ARAP3: variants seen among roughly 807,000 people sequenced by gnomAD.
ARAP3 encodes arf-GAP with Rho-GAP domain, ANK repeat and PH domain-containing protein 3.
ARAP3 carries 82 observed loss-of-function variants against 169.2 expected under a neutral mutation model. That is an observed-to-expected ratio of 0.48 (90% CI 0.41 to 0.58). ARAP3 has a LOEUF of 0.58. Ranked by LOEUF, ARAP3 falls within the 20% of genes least tolerant of loss-of-function variation. The pLI, the probability that ARAP3 is intolerant of heterozygous loss-of-function variation, is 0.00. For missense variants in ARAP3, 1,764 were observed against 2,018.0 expected, an observed-to-expected ratio of 0.87 and a Z score of 2.41; for synonymous variants, 791 against 800.3, an observed-to-expected ratio of 0.99 and a Z score of 0.20.
chr5:141,667,758 G>A (rs939289427), intron 16 of ARAP3, among the ~76,000 whole-genome samples: 2 of 149,650 alleles, frequency 1.3e-5, no homozygotes. Flanking sequence ...AATAATATAA[G>A]TGGCCAGGTG....
chr5:141,659,661 A>G, intron 22 of ARAP3, 118 bp downstream of exon 22: 1 of 1,437,784 alleles, frequency 7.0e-7, no homozygotes, highest in Non-Finnish European at 9.5e-7. Context: ...AGTTCCTGGT[A>G]TAGCTGGCCA....
chr5:141,655,508 A>C, intron 31 of ARAP3, 108 bp from the exon 32 acceptor site: 1 of 1,579,412 alleles, frequency 6.3e-7, no homozygotes, highest in Non-Finnish European at 8.7e-7. Context: ...GGCAGAAGGG[A>C]GGGGGACAGT....
intron 1 of ARAP3, among the ~76,000 whole-genome samples, chr5:141,681,225 C>G (rs2099912931): frequency 6.6e-6 from 1 of 152,154 alleles, no homozygotes; most frequent in Admixed American, 6.5e-5. Context: ...GATGGGGATG[C>G]CAGAGAGATG....
chr5:141,661,956 G>A (rs1426606926), intron 20 of ARAP3, 87 bp downstream of exon 20: 2 of 1,563,938 alleles, frequency 1.3e-6, no homozygotes, highest in Non-Finnish European at 1.8e-6. Flanking sequence ...GGGAAGTGAT[G>A]GGGCGGAGGG....
chr5:141,663,747 C>G (rs918314975), intron 19 of ARAP3, among the ~76,000 whole-genome samples: 4 of 152,240 alleles, frequency 2.6e-5, no homozygotes, highest in Admixed American at 1.3e-4. Flanking sequence ...CACTGACTTT[C>G]CATGTCCCAT....
intron 1 of ARAP3, 163 bp from the exon 2 acceptor site, chr5:141,680,666 A>G: frequency 1.8e-6 from 2 of 1,102,588 alleles, no homozygotes; most frequent in Non-Finnish European, 2.5e-6. Context: ...AACAACAGCA[A>G]TGGCTCTCTA....
intron 29 of ARAP3, 49 bp from the exon 30 acceptor site, chr5:141,655,981 A>G (rs778060663): frequency 1.9e-6 from 3 of 1,613,738 alleles, no homozygotes; most frequent in Non-Finnish European, 2.5e-6. Context: ...TCACAGCTAT[A>G]GGAATGGAGC....
chr5:141,655,815 G>C (rs1254143215), intron 30 of ARAP3, 54 bp downstream of exon 30: 2 of 1,614,062 alleles, frequency 1.2e-6, no homozygotes, highest in East Asian at 2.2e-5. Context: ...GAGGAGGACA[G>C]CTGGGCCCCA....
At chr5:141,670,151 G>C (rs1017948607) in intron 14 of ARAP3, 88 bp from the exon 15 acceptor site, 41 of 1,503,424 alleles carry the variant, frequency 2.7e-5, no homozygotes, top group Non-Finnish European at 3.4e-5. Flanking sequence ...TCTGTGCCAA[G>C]CCCTTTGCCC....
intron 27 of ARAP3, 27 bp from the exon 28 acceptor site, chr5:141,656,303 A>G: frequency 1.2e-6 from 2 of 1,613,332 alleles, no homozygotes; most frequent in Non-Finnish European, 1.7e-6. Flanking sequence ...AGTCAGCGAG[A>G]TGGAGAGATG....
intron 4 of ARAP3, among the ~76,000 whole-genome samples, chr5:141,678,108 G>A (rs556154407): frequency 6.6e-6 from 1 of 152,144 alleles, no homozygotes; most frequent in Admixed American, 6.5e-5. Context: ...CACCACGCCC[G>A]GCTATATTTT....
intron 1 of ARAP3, among the ~76,000 whole-genome samples, chr5:141,681,872 C>G (rs1027194851): frequency 2.0e-5 from 3 of 152,046 alleles, no homozygotes; most frequent in South Asian, 2.1e-4. Flanking sequence ...CGGGCCCTGA[C>G]TCAGGGCCCG....
intron 25 of ARAP3, among the ~76,000 whole-genome samples, chr5:141,657,822 C>T (rs191520789): frequency 2.0e-5 from 3 of 152,116 alleles, no homozygotes; most frequent in East Asian, 3.9e-4. Context: ...GGAGAATGGC[C>T]TAGGCTTTTT....
rs1417951309 is a variant in ARAP3, at chr5:141,658,346, C to T, written c.3526+19G>A. On this transcript the variant is annotated intron_variant, in intron 25 of 32. Coordinates refer to ENST00000239440, the MANE Select transcript of ARAP3 (RefSeq NM_022481.6). Reference sequence around the variant, plus strand: ...ACGCATATACACATGCATGAACACACAGGCGTGGTCATACTCACCCAGCTC... The same window carrying T: ...ACGCATATACACATGCATGAACACATAGGCGTGGTCATACTCACCCAGCTC... The T allele has an allele frequency of 1.2e-6, 2 of 1,611,448 alleles. No individual in the cohort carries two copies. Among genetic ancestry groups the T allele is most frequent in the Admixed American group, 1.7e-5 (1 of 59,976 alleles).
intron 32 of ARAP3, among the ~76,000 whole-genome samples, chr5:141,655,156 T>TCACA (rs149608722): frequency 7.5e-6 from 1 of 133,560 alleles, no homozygotes; most frequent in African/African-American, 2.9e-5. Flanking sequence ...TCTCTCTCTC[T>TCACA]CACACACACA....
In ARAP3 at chr5:141,669,965, C is replaced by A; in HGVS notation, c.2206G>T (p.Val736Leu). ...PLSLIQPQDIVCLGVSPPPTD... is the reference protein window; with the variant it reads ...PLSLIQPQDILCLGVSPPPTD... The stretch of plus-strand genomic sequence containing the variant: ...GGTGGGGGGCTCACACCCAGACATA[C>A]AATATCCTGGGGCTGTATGAGGCTG... Residue 736 changes from valine to leucine, a missense_variant, in exon 15 of 33, where the codon GTA becomes TTA. Coordinates refer to ENST00000239440, the MANE Select transcript of ARAP3 (RefSeq NM_022481.6). 1 of 1,600,108 alleles carries A rather than the reference C, an allele frequency of 6.2e-7. No individual in the cohort carries two copies. Among genetic ancestry groups the A allele is most frequent in the Non-Finnish European group, 8.5e-7 (1 of 1,175,598 alleles).
rs761236704 is a variant in ARAP3 at position 141,672,545 on chromosome 5, G to T, written c.1385+7C>A. 7 of 1,613,868 alleles carry T rather than the reference G, an allele frequency of 4.3e-6. No individual in the cohort carries two copies. The highest frequency in any genetic ancestry group is 1.1e-5 in the South Asian group (1 of 91,046). On this transcript the variant is annotated splice_region_variant and intron_variant, in intron 9 of 32. Coordinates refer to ENST00000239440, the MANE Select transcript of ARAP3 (RefSeq NM_022481.6). This position sits in a 1 kb window ranked among gnomAD's most constrained non-coding sequence, Gnocchi z 4.9. ...CCAGCCTTGCCTCCCACTGGCCCAG[G>T]CCCCACCTGAAGCAGCGATGGGGTG...
chr5:141,671,373 T>A lies in ARAP3; in HGVS notation c.1882A>T (p.Asn628Tyr). The A allele has an allele frequency of 6.2e-7, 1 of 1,613,238 alleles. No individual in the cohort carries two copies. Among genetic ancestry groups the A allele is most frequent in the Non-Finnish European group, 8.5e-7 (1 of 1,179,622 alleles). The change falls in exon 13 of 33, where the codon AAC (asparagine) becomes TAC (tyrosine). Residue 628 changes from asparagine to tyrosine, a missense_variant. Transcript: ENST00000239440. This position sits in a 1 kb window ranked among gnomAD's most constrained non-coding sequence, Gnocchi z 4.9. Reference protein sequence around the residue: ...QALCAAVARPNLLKNMTQLLC... With the variant: ...QALCAAVARPYLLKNMTQLLC... ...AGCTGGGTCATGTTCTTCAGCAGGT[T>A]GGGTCTTGCCACAGCTGCACACAGT...
chr5:141,662,221 G>T lies in ARAP3; in HGVS notation c.2835C>A (p.Gly945=). 6.2e-7 allele frequency: 1 copy of T among 1,614,156 alleles called. No homozygotes were observed. The highest frequency in any genetic ancestry group is 8.5e-7 in the Non-Finnish European group (1 of 1,180,024). The change falls in exon 20 of 33, where the codon GGC becomes GGA. Residue 945 remains glycine (G), a synonymous_variant. Transcript: ENST00000239440. The part of the protein sequence containing the change: ...LRLEGVYRKG[G]ARARSLRLLA... ...GGAGTCTCAGGCTGCGGGCACGAGC[G>T]CCCCCTTTCCGGTATACACCTTCCA... is the stretch of plus-strand genomic sequence containing the variant.
Sources: gnomAD v4.1 joint callset for allele counts (sites outside exome capture counted in the v4.1 genomes callset) on GRCh38, gnomAD v4.1.1 for gene constraint, Gnocchi (gnomAD v3.1) non-coding constraint, MANE v1.5 for transcripts, NCBI Gene and HGNC (gene_info 2026-07-23, HGNC 2026-07-21) for gene names.